Variants in FOLH1 observed in about 807,000 individuals in gnomAD.
FOLH1 encodes folate hydrolase 1.
In FOLH1, 54 loss-of-function variants were observed where a neutral mutation model predicts 93.9. That is an observed-to-expected ratio of 0.57 (90% CI 0.46 to 0.72). The LOEUF is 0.72. Ranked by LOEUF, FOLH1 falls within the 30% of genes least tolerant of loss-of-function variation. FOLH1 has a pLI of 0.00. For missense variants in FOLH1, 571 were observed against 892.5 expected, an observed-to-expected ratio of 0.64 and a Z score of 4.59; for synonymous variants, 249 against 303.6, an observed-to-expected ratio of 0.82 and a Z score of 1.87.
At chr11:49,162,260 CCAAT>C (rs558636062) in intron 13 of FOLH1, among the ~76,000 whole-genome samples, 24 of 152,118 alleles carry the variant, frequency 1.6e-4, no homozygotes, top group African/African-American at 5.3e-4. Flanking sequence ...TTCAAGTACA[CCAAT>C]CAGTCATAGA....
At chr11:49,147,769 G>T (rs920382409) in intron 18 of FOLH1, among the ~76,000 whole-genome samples, 5 of 151,974 alleles carry the variant, frequency 3.3e-5, no homozygotes, top group Non-Finnish European at 7.4e-5. Flanking sequence ...ACAAATGAAC[G>T]TACAAATATT....
intron 17 of FOLH1, among the ~76,000 whole-genome samples, chr11:49,150,999 C>A (rs1475624826): frequency 6.6e-6 from 1 of 152,104 alleles, no homozygotes; most frequent in Non-Finnish European, 1.5e-5. Flanking sequence ...AGCAATTCTG[C>A]AAGTTGGGTA....
Position 49,180,419 on chromosome 11 carries a change from T to G in FOLH1, c.920+2730A>C, listed in dbSNP as rs1025071651. On this transcript the variant is annotated intron_variant, in intron 7 of 18. Transcript: ENST00000256999. ...AACAGTATATATGGTGTCCCCTTTC[T>G]GTCCCACTCAAGTCAACATTGAAGT... 5.3e-5 allele frequency among the ~76,000 whole-genome samples: 8 copies of G among 152,248 alleles called. 1 individual carries two copies. The highest frequency in any genetic ancestry group is 3.3e-4 in the Admixed American group (5 of 15,288).
chr11:49,179,029 C>T (rs1228394907), intron 7 of FOLH1, among the ~76,000 whole-genome samples: 1 of 152,156 alleles, frequency 6.6e-6, no homozygotes, highest in Non-Finnish European at 1.5e-5. Flanking sequence ...AACAGAACAT[C>T]ACAGAGCAAA....
chr11:49,175,330 G>C (rs1213461115), intron 8 of FOLH1, among the ~76,000 whole-genome samples: 5 of 151,938 alleles, frequency 3.3e-5, no homozygotes, highest in Non-Finnish European at 5.9e-5. Context: ...AATTCTCTTT[G>C]GAACTTGAAT....
intron 17 of FOLH1, among the ~76,000 whole-genome samples, chr11:49,151,430 A>T (rs1856504362): frequency 1.1e-5 from 1 of 92,916 alleles, no homozygotes; most frequent in Non-Finnish European, 2.3e-5. Context: ...ACACACACAG[A>T]CACACACACA....
At chr11:49,204,898 T>C (rs1415864497) in intron 2 of FOLH1, among the ~76,000 whole-genome samples, 3 of 151,866 alleles carry the variant, frequency 2.0e-5, no homozygotes, top group African/African-American at 7.3e-5. Context: ...CACAAAAGGA[T>C]CTCATGCTTA....
chr11:49,148,077 A>G (rs1046064807), intron 18 of FOLH1, among the ~76,000 whole-genome samples: 8 of 152,106 alleles, frequency 5.3e-5, no homozygotes, highest in African/African-American at 9.7e-5. Context: ...TGGCTGTCCA[A>G]TGATCTATCT....
intron 13 of FOLH1, among the ~76,000 whole-genome samples, chr11:49,160,208 T>G (rs1248909679): frequency 1.3e-5 from 2 of 152,186 alleles, no homozygotes; most frequent in African/African-American, 2.4e-5. Context: ...TATTTGAATC[T>G]TATCACTTTT....
chr11:49,154,106 A>C, intron 16 of FOLH1, 122 bp downstream of exon 16: 1 of 1,444,590 alleles, frequency 6.9e-7, no homozygotes, highest in Non-Finnish European at 9.3e-7. Context: ...TTATAGACAT[A>C]AACAGAATAT....
intron 12 of FOLH1, among the ~76,000 whole-genome samples, chr11:49,165,881 C>T (rs1486301734): frequency 1.3e-5 from 2 of 152,148 alleles, no homozygotes; most frequent in African/African-American, 4.8e-5. Flanking sequence ...ATTTTTAAAA[C>T]AGAAGTGCTT....
intron 2 of FOLH1, among the ~76,000 whole-genome samples, chr11:49,203,053 T>G (rs956000465): frequency 6.6e-6 from 1 of 152,230 alleles, no homozygotes; most frequent in Non-Finnish European, 1.5e-5. Flanking sequence ...TATTCTAGTA[T>G]CAACAAATTA....
At chr11:49,188,975 G>T (rs1861719088) in intron 4 of FOLH1, among the ~76,000 whole-genome samples, 1 of 152,090 alleles carries the variant, frequency 6.6e-6, no homozygotes, top group Non-Finnish European at 1.5e-5. Context: ...TTGTTACATA[G>T]CTATTAGAAC....
At chr11:49,148,960 G>A (rs761494597) in intron 17 of FOLH1, among the ~76,000 whole-genome samples, 152 of 152,144 alleles carry the variant, frequency 1.0e-3, no homozygotes, top group Non-Finnish European at 1.8e-3. Context: ...TTTTAAGTTC[G>A]AGGGTACATG....
intron 4 of FOLH1, among the ~76,000 whole-genome samples, chr11:49,188,477 CACTCCAGCCCGGGCGACAGAGTAAG>C (rs2135222732): frequency 6.9e-6 from 1 of 145,982 alleles, no homozygotes; most frequent in African/African-American, 2.5e-5. Flanking sequence ...CATACCACTG[CACTCCAGCCCGGGCGACAGAGTAAG>C]ACTTGGTCTC....
At chr11:49,205,986 T>A in intron 2 of FOLH1, 81 bp downstream of exon 2, 1 of 1,329,890 alleles carries the variant, frequency 7.5e-7, no homozygotes. Flanking sequence ...GTCCAGTTCC[T>A]ATATATAAAA....
intron 2 of FOLH1, among the ~76,000 whole-genome samples, chr11:49,201,433 A>AT (rs76769598): frequency 8.0e-5 from 12 of 150,810 alleles, no homozygotes; most frequent in African/African-American, 7.3e-5. Context: ...ATGTATTTTA[A>AT]TTTTTTTTAT....
intron 1 of FOLH1, 95 bp downstream of exon 1, chr11:49,208,197 G>T: frequency 1.1e-6 from 1 of 920,386 alleles, no homozygotes; most frequent in Non-Finnish European, 1.6e-6. Context: ...GGGAAGACCA[G>T]CAACAGGATC....
rs761867374 is a variant in FOLH1 at position 49,208,410 on chromosome 11, C to T, written c.-1G>A. 3 of 1,592,678 alleles carry T rather than the reference C, an allele frequency of 1.9e-6. No homozygotes were observed. In the African/African-American group the frequency reaches 4.0e-5, roughly 21 times the overall value. ...CGGTTTCGTGAAGGAGATTCCACAT[C>T]TCGGCGCGAGCAGAGCCGGCCTCCC... On this transcript the variant is annotated 5_prime_UTR_variant, in exon 1 of 19. Coordinates refer to ENST00000256999, the MANE Select transcript of FOLH1 (RefSeq NM_004476.3).
Sources: allele counts gnomAD v4.1 joint callset (sites outside exome capture counted in the v4.1 genomes callset), GRCh38; gene constraint gnomAD v4.1.1; transcripts MANE v1.5; gene names NCBI Gene and HGNC (gene_info 2026-07-23, HGNC 2026-07-21).